WWOX: variants seen among roughly 807,000 people sequenced by gnomAD.
WWOX encodes the protein WW domain containing oxidoreductase.
A neutral mutation model predicts 46.2 loss-of-function variants in WWOX; 69 were observed. That is an observed-to-expected ratio of 1.49 (90% CI 1.23 to 1.82). The LOEUF (loss-of-function observed/expected upper bound fraction) is 1.82. WWOX is among the 40% of genes most tolerant of loss of function. WWOX has a pLI of 0.00. For missense variants in WWOX, 919 were observed against 542.6 expected (o/e 1.69, Z -6.89); for synonymous variants, 359 against 202.6 (o/e 1.77, Z -6.56).
intron 6 of WWOX, among the ~76,000 whole-genome samples, chr16:78,397,133 C>A (rs115438660): frequency 2.6e-5 from 4 of 152,196 alleles, no homozygotes; most frequent in Admixed American, 2.0e-4. Flanking sequence ...TGATATTTCA[C>A]GGCTGAGAGA....
chr16:79,055,056 C>G (rs999982373), intron 8 of WWOX, among the ~76,000 whole-genome samples: 1 of 152,006 alleles, frequency 6.6e-6, no homozygotes, highest in South Asian at 2.1e-4. Context: ...TCGTCAGAGA[C>G]CTAAAATGGT....
rs919851150 is a variant in WWOX, at chr16:78,164,253, G to A, written c.480G>A (p.Arg160=). ...HVILACRNMA[R]ASEAVSRILE... ...TCTTGGCCTGCAGGAACATGGCAAG[G>A]GCGAGTGAAGCAGTGTCACGCATTT... The change falls in exon 5 of 9, where the codon AGG becomes AGA. Residue 160 remains arginine, a synonymous_variant. Coordinates refer to ENST00000566780, the MANE Select transcript of WWOX (RefSeq NM_016373.4). The A allele has an allele frequency of 6.2e-6, 10 of 1,614,106 alleles. No individual in the cohort carries two copies. The highest frequency in any genetic ancestry group is 4.5e-5 in the East Asian group (2 of 44,876).
At chr16:78,951,482 C>G (rs916717042) in intron 8 of WWOX, among the ~76,000 whole-genome samples, 2 of 150,442 alleles carry the variant, frequency 1.3e-5, no homozygotes, top group Non-Finnish European at 2.9e-5. Flanking sequence ...TTGATCCACA[C>G]CATATAGACT....
intron 5 of WWOX, among the ~76,000 whole-genome samples, chr16:78,246,094 C>T (rs2037806751): frequency 6.6e-6 from 1 of 152,172 alleles, no homozygotes; most frequent in Admixed American, 6.5e-5. Context: ...ATCCCGCTCC[C>T]CACCCCTTTC....
chr16:79,005,211 G>C (rs1023128126), intron 8 of WWOX, among the ~76,000 whole-genome samples: 1 of 152,180 alleles, frequency 6.6e-6, no homozygotes. Context: ...CTCAGGATTT[G>C]TAAGGCCATC....
intron 8 of WWOX, among the ~76,000 whole-genome samples, chr16:79,019,189 A>AAAG (rs1476236379): frequency 1.4e-4 from 10 of 73,240 alleles, no homozygotes; most frequent in Admixed American, 2.9e-4. Context: ...AAAAAAAGAA[A>AAAG]AAAAAAAGTT....
At position 79,154,677 on chromosome 16, in the gene WWOX, A is replaced by G. The variant is rs114699793; in HGVS notation, c.1057-56931A>G. Among the ~76,000 whole-genome samples the G allele has an allele frequency of 9.8e-3, 1,494 of 152,312 alleles. 15 individuals are homozygous for G. The highest frequency in any genetic ancestry group is 0.034 in the African/African-American group (1,418 of 41,568). On this transcript the variant is annotated intron_variant, in intron 8 of 8. Coordinates refer to ENST00000566780, the MANE Select transcript of WWOX (RefSeq NM_016373.4). ...GCTGATGGATGTACACTGTAAAACA[A>G]CCACGTTTGGTAAACTGTTAATCAC...
chr16:78,853,978 C>G (rs1256474209), intron 8 of WWOX, among the ~76,000 whole-genome samples: 6 of 151,956 alleles, frequency 3.9e-5, no homozygotes, highest in Admixed American at 3.9e-4. Context: ...CCAGAATGTT[C>G]GATTAAAAAA....
intron 8 of WWOX, among the ~76,000 whole-genome samples, chr16:78,902,220 T>C (rs776684635): frequency 3.3e-5 from 5 of 152,196 alleles, no homozygotes; most frequent in Non-Finnish European, 5.9e-5. Flanking sequence ...TGTGCTGTAG[T>C]GTCAACAACT....
intron 8 of WWOX, among the ~76,000 whole-genome samples, chr16:78,541,477 A>G (rs1197412486): frequency 2.9e-5 from 1 of 34,952 alleles, no homozygotes; most frequent in African/African-American, 6.0e-5. Flanking sequence ...CCGTCTCAAA[A>G]AAAAAAAAAA....
chr16:79,124,817 C>G (rs1198145287), intron 8 of WWOX, among the ~76,000 whole-genome samples: 2 of 152,140 alleles, frequency 1.3e-5, no homozygotes, highest in African/African-American at 4.8e-5. Context: ...ACCAATGAGT[C>G]TGGACTCTGT....
chr16:78,368,498 C>T (rs991047660), intron 5 of WWOX, among the ~76,000 whole-genome samples: 1 of 152,150 alleles, frequency 6.6e-6, no homozygotes, highest in African/African-American at 2.4e-5. Flanking sequence ...TGGGCCACCC[C>T]ATAAGGCTGC....
intron 5 of WWOX, among the ~76,000 whole-genome samples, chr16:78,314,804 G>A (rs944847665): frequency 2.1e-5 from 3 of 145,330 alleles, no homozygotes; most frequent in Non-Finnish European, 4.5e-5. Flanking sequence ...CACCCGCCTT[G>A]GCCTCCCAAA....
chr16:79,136,556 G>A (rs1392058711), intron 8 of WWOX, among the ~76,000 whole-genome samples: 1 of 152,164 alleles, frequency 6.6e-6, no homozygotes, highest in African/African-American at 2.4e-5. Flanking sequence ...GCTAATTTCT[G>A]TGAAATTGTG....
chr16:78,909,822 G>C (rs548797589), intron 8 of WWOX, among the ~76,000 whole-genome samples: 1 of 152,292 alleles, frequency 6.6e-6, no homozygotes, highest in Admixed American at 6.5e-5. Context: ...AAAAGGGCCA[G>C]TTACTGTCTG....
Position 78,911,827 on chromosome 16 carries a change from A to G in WWOX, c.1057-299781A>G. ...GTTGCAGGGAGCTGAGATCACGCTG[A>G]TGCATTCCAGCCTGGGTGACAGAGC... On this transcript the variant is annotated intron_variant, in intron 8 of 8. Transcript: ENST00000566780. 1.3e-5 allele frequency among the ~76,000 whole-genome samples: 2 copies of G among 152,026 alleles called. 1 individual carries two copies. The highest frequency in any genetic ancestry group is 2.9e-5 in the Non-Finnish European group (2 of 67,990).
rs115115078 is a variant in WWOX at position 79,089,132 on chromosome 16, G to A, written c.1057-122476G>A. The stretch of plus-strand genomic sequence containing the variant: ...AATGTGACTTTTCATCAGGAAGGCC[G>A]CATATGGTGGGCACAGGGCCTAGCT... On this transcript the variant is annotated intron_variant, in intron 8 of 8. Coordinates refer to ENST00000566780, the MANE Select transcript of WWOX (RefSeq NM_016373.4). Among the ~76,000 whole-genome samples the A allele has an allele frequency of 7.8e-3, 1,191 of 152,204 alleles. 13 individuals are homozygous for A. Among genetic ancestry groups the A allele is most frequent in the African/African-American group, 0.027 (1,118 of 41,510 alleles).
intron 8 of WWOX, among the ~76,000 whole-genome samples, chr16:78,493,273 A>C (rs1288192130): frequency 2.6e-5 from 4 of 152,206 alleles, no homozygotes; most frequent in African/African-American, 9.6e-5. Flanking sequence ...CAAATGTCCT[A>C]TGTTAAGAAT....
chr16:78,966,867 G>T (rs11150120), intron 8 of WWOX, among the ~76,000 whole-genome samples: 9 of 151,946 alleles, frequency 5.9e-5, no homozygotes, highest in Non-Finnish European at 1.3e-4. Context: ...AAAAATAATA[G>T]TTCCCACCTC....
Sources: gnomAD v4.1 joint callset for allele counts (sites outside exome capture counted in the v4.1 genomes callset) on GRCh38, gnomAD v4.1.1 for gene constraint, MANE v1.5 for transcripts, NCBI Gene and HGNC (gene_info 2026-07-23, HGNC 2026-07-21) for gene names.